Variants in FUT2 observed in about 807,000 individuals in gnomAD.
FUT2 encodes fucosyltransferase 2 (H blood group), also known as galactoside alpha-(1,2)-fucosyltransferase 2.
For missense variants in FUT2, 419 were observed against 465.8 expected, an observed-to-expected ratio of 0.90 and a Z score of 0.93; for synonymous variants, 182 against 193.1, an observed-to-expected ratio of 0.94 and a Z score of 0.48.
At chr19:48,699,174 A>C (rs1299247575) in intron 1 of FUT2, among the ~76,000 whole-genome samples, 1 of 151,252 alleles carries the variant, frequency 6.6e-6, no homozygotes, top group Non-Finnish European at 1.5e-5. Context: ...CTAAAGAAAC[A>C]GGGAAACCTG....
intron 1 of FUT2, among the ~76,000 whole-genome samples, chr19:48,700,218 A>G (rs1484777622): frequency 6.6e-6 from 1 of 151,640 alleles, no homozygotes; most frequent in Non-Finnish European, 1.5e-5. Context: ...ATAATCATAC[A>G]TATCACACAA....
intron 1 of FUT2, among the ~76,000 whole-genome samples, chr19:48,700,529 C>T (rs900403303): frequency 1.3e-5 from 2 of 151,814 alleles, no homozygotes; most frequent in Non-Finnish European, 2.9e-5. Flanking sequence ...GACGGGGTTT[C>T]ACCGTGTTAG....
At chr19:48,702,934 C>G in intron 1 of FUT2, 21 bp from the exon 2 acceptor site, 1 of 1,612,474 alleles carries the variant, frequency 6.2e-7, no homozygotes, top group Non-Finnish European at 8.5e-7. Context: ...GCTAACGTGT[C>G]CCGTTTTCCT....
chr19:48,703,357 A>T lies in FUT2; in HGVS notation c.401A>T (p.Glu134Val). The T allele has an allele frequency of 6.2e-7, 1 of 1,612,664 alleles. No homozygotes were observed. Among genetic ancestry groups the T allele is most frequent in the Non-Finnish European group, 8.5e-7 (1 of 1,179,768 alleles). Residue 134 changes from glutamate (E) to valine (V), a missense_variant, in exon 2 of 2, where the codon GAG becomes GTG. Transcript: ENST00000425340. ...WQNYHLNDWM[E>V]EEYRHIPGEY... is the part of the protein sequence containing the mutation. ...AACTACCACCTGAACGACTGGATGG[A>T]GGAGGAATACCGCCACATCCCGGGG...
At chr19:48,696,212 A>C (rs1601231982) in intron 1 of FUT2, 123 bp downstream of exon 1, 1 of 151,606 alleles carries the variant, frequency 6.6e-6, no homozygotes, top group Non-Finnish European at 1.5e-5. Flanking sequence ...TCTGGGAGGC[A>C]CCCCCAACTC....
chr19:48,703,226 G>A lies in FUT2; in HGVS notation c.270G>A (p.Gly90=). 1 of 1,613,194 alleles carries A rather than the reference G, an allele frequency of 6.2e-7. No individual in the cohort carries two copies. The highest frequency in any genetic ancestry group is 1.7e-5 in the Admixed American group (1 of 60,002). ...TGTACGCCCTGGCCAAGATGAACGG[G>A]CGGCCCGCCTTCATCCCGGCCCAGA... The part of the protein sequence containing the change: ...ATLYALAKMN[G]RPAFIPAQMH... The change falls in exon 2 of 2, where the codon GGG becomes GGA. Residue 90 remains glycine (G), a synonymous_variant. Coordinates refer to ENST00000425340, the MANE Select transcript of FUT2 (RefSeq NM_000511.6).
rs2032631466 is a variant in FUT2, at chr19:48,705,800, G to A, written c.*1812G>A. 1 of 166,746 alleles carries A rather than the reference G, an allele frequency of 6.0e-6. No homozygotes were observed. The highest frequency in any genetic ancestry group is 2.4e-5 in the African/African-American group (1 of 41,394). 10.3% of individuals were successfully genotyped at this position (166,746 alleles called of 1,614,324 possible). On this transcript the variant is annotated 3_prime_UTR_variant, in exon 2 of 2. Coordinates refer to ENST00000425340, the MANE Select transcript of FUT2 (RefSeq NM_000511.6). ...CCCAGCTACCAGGGAGGCTGAGGTG[G>A]GAGGATTGCTTGATGCCAGGAGTTA...
At chr19:48,701,802 G>A (rs2032521925) in intron 1 of FUT2, among the ~76,000 whole-genome samples, 2 of 151,902 alleles carry the variant, frequency 1.3e-5, no homozygotes, top group Admixed American at 6.5e-5. Context: ...AGACTAGCCT[G>A]ACCAACATGG....
In FUT2 at chr19:48,704,919, T is replaced by A. The variant is rs975986922; in HGVS notation, c.*931T>A. 1.5e-4 allele frequency: 62 copies of A among 412,226 alleles called. No homozygotes were observed. The highest frequency in any genetic ancestry group is 6.2e-4 in the Middle Eastern group (1 of 1,608). The allele number at this position is 412,226 out of a possible 1,614,324, so 25.5% of individuals were successfully genotyped here. ...GAAAATTAGGGTGGTGTTACCAAGG[T>A]GAAAAGGGGAAATGGCTTTAGAGTA... On this transcript the variant is annotated 3_prime_UTR_variant, in exon 2 of 2. Coordinates refer to ENST00000425340, the MANE Select transcript of FUT2 (RefSeq NM_000511.6).
At chr19:48,696,355 C>T (rs1389775675) in intron 1 of FUT2, 9 of 152,616 alleles carry the variant, frequency 5.9e-5, no homozygotes, top group African/African-American at 1.9e-4. Flanking sequence ...CAGCTCCCTC[C>T]CCTTCTCCAC....
rs140411756 is a variant in FUT2 at position 48,704,421 on chromosome 19, C to CAAAAA, written c.*449_*453dup. 65 of 108,614 alleles carry CAAAAA rather than the reference C, an allele frequency of 6.0e-4. 2 individuals are homozygous for CAAAAA. Among genetic ancestry groups the CAAAAA allele is most frequent in the East Asian group, 8.1e-4 (2 of 2,466 alleles). The allele number at this position is 108,614 out of a possible 1,614,324, so 6.7% of individuals were successfully genotyped here. A position where few individuals can be genotyped will look rare whatever the true frequency, so the allele number is the denominator to read the frequency against. ...TGGGTGACACAGCAAGACTCCATCT[C>CAAAAA]AAAAAAAAAAAAAAAAAAAAGAAAA... On this transcript the variant is annotated 3_prime_UTR_variant, in exon 2 of 2. Coordinates refer to ENST00000425340, the MANE Select transcript of FUT2 (RefSeq NM_000511.6).
intron 1 of FUT2, 99 bp downstream of exon 1, chr19:48,696,188 GGTCCCT>G (rs2122203432): frequency 6.6e-6 from 1 of 152,396 alleles, no homozygotes; most frequent in South Asian, 2.1e-4. Flanking sequence ...TGCCCTCGTG[GGTCCCT>G]GGTGCCCTCT....
At chr19:48,701,573 A>G (rs148759340) in intron 1 of FUT2, among the ~76,000 whole-genome samples, 2,862 of 152,144 alleles carry the variant, frequency 0.019, 41 homozygotes, top group Non-Finnish European at 0.029. Context: ...CTCAAGTTCA[A>G]CTGGCTGCGG....
chr19:48,704,375 T>C lies in FUT2; in HGVS notation c.*387T>C. 3.0e-6 allele frequency: 1 copy of C among 332,566 alleles called. No individual in the cohort carries two copies. Among genetic ancestry groups the C allele is most frequent in the Non-Finnish European group, 5.6e-6 (1 of 180,050 alleles). 20.6% of individuals were successfully genotyped at this position (332,566 alleles called of 1,614,324 possible). A position where few individuals can be genotyped will look rare whatever the true frequency, so the allele number is the denominator to read the frequency against. ...AGGCGGAGGTTGCAGTGAGCCAAGA[T>C]GGTGCCGCTGCACTCCAGTCTGGGT... On this transcript the variant is annotated 3_prime_UTR_variant, in exon 2 of 2. Coordinates refer to ENST00000425340, the MANE Select transcript of FUT2 (RefSeq NM_000511.6).
Position 48,703,580 on chromosome 19 carries a change from C to T in FUT2, c.624C>T (p.Val208=). The change falls in exon 2 of 2, where the codon GTC becomes GTT. Residue 208 remains valine (V), a synonymous_variant. Transcript: ENST00000425340. ...VHVRRGDYVH[V]MPKVWKGVVA... is the part of the protein sequence containing the mutation. ...TTCGCCGAGGGGACTATGTCCATGT[C>T]ATGCCAAAAGTGTGGAAGGGGGTGG... 1 of 1,613,436 alleles carries T rather than the reference C, an allele frequency of 6.2e-7. No homozygotes were observed. Among genetic ancestry groups the T allele is most frequent in the Non-Finnish European group, 8.5e-7 (1 of 1,180,018 alleles).
At chr19:48,700,420 A>G (rs1373205739) in intron 1 of FUT2, among the ~76,000 whole-genome samples, 2 of 150,784 alleles carry the variant, frequency 1.3e-5, no homozygotes, top group Non-Finnish European at 2.9e-5. Context: ...TGCGCCTCCC[A>G]GGTTCATGCC....
Position 48,703,219 on chromosome 19 carries a change from T to C in FUT2, c.263T>C (p.Met88Thr), listed in dbSNP as rs890653259. ...EYATLYALAK[M>T]NGRPAFIPAQ... ...GCCACACTGTACGCCCTGGCCAAGA[T>C]GAACGGGCGGCCCGCCTTCATCCCG... The change falls in exon 2 of 2, where the codon ATG (methionine) becomes ACG (threonine). Residue 88 changes from methionine to threonine, a missense_variant. Met to Thr is a moderately conservative substitution (Grantham distance 81). Transcript: ENST00000425340. 6.2e-7 allele frequency: 1 copy of C among 1,613,294 alleles called. No individual in the cohort carries two copies. The highest frequency in any genetic ancestry group is 8.5e-7 in the Non-Finnish European group (1 of 1,180,002).
intron 1 of FUT2, among the ~76,000 whole-genome samples, chr19:48,699,764 C>T (rs1040254486): frequency 6.6e-6 from 1 of 152,070 alleles, no homozygotes; most frequent in African/African-American, 2.4e-5. Flanking sequence ...CACCTAGCCA[C>T]TGGTGGTGAT....
Position 48,703,433 on chromosome 19 carries a change from C to T in FUT2, c.477C>T (p.His159=), listed in dbSNP as rs768805730. 2 of 1,612,940 alleles carry T rather than the reference C, an allele frequency of 1.2e-6. No homozygotes were observed. Among genetic ancestry groups the T allele is most frequent in the East Asian group, 2.2e-5 (1 of 44,884 alleles). ...CCTGCTCCTGGACCTTCTACCACCACCTCCGCCAGGAGATCCTCCAGGAGT... is the reference window on the plus strand; with the variant it reads ...CCTGCTCCTGGACCTTCTACCACCATCTCCGCCAGGAGATCCTCCAGGAGT... ...GYPCSWTFYH[H]LRQEILQEFT... Residue 159 remains histidine, a synonymous_variant, in exon 2 of 2, where the codon CAC becomes CAT. Coordinates refer to ENST00000425340, the MANE Select transcript of FUT2 (RefSeq NM_000511.6).
Sources: gnomAD v4.1 joint callset for allele counts (sites outside exome capture counted in the v4.1 genomes callset) on GRCh38, gnomAD v4.1.1 for gene constraint, MANE v1.5 for transcripts, NCBI Gene and HGNC (gene_info 2026-07-23, HGNC 2026-07-21) for gene names.